The following IL1RAPL2 variants were observed in gnomAD, a reference collection of about 807,000 sequenced individuals.
The protein encoded by IL1RAPL2 is X-linked interleukin-1 receptor accessory protein-like 2.
A neutral mutation model predicts 44.1 loss-of-function variants in IL1RAPL2; 3 were observed. That is an observed-to-expected ratio of 0.07 (90% confidence interval 0.03 to 0.18). IL1RAPL2 has a LOEUF of 0.18. Among genes scored for constraint, IL1RAPL2 ranks in the 10% least tolerant of loss-of-function variants. The pLI is 1.00. For synonymous variants in IL1RAPL2, 181 were observed against 178.8 expected (o/e 1.01, Z -0.10); for missense variants, 391 against 496.4 (o/e 0.79, Z 2.02).
chrX:104,700,669 C>T (rs750276918), intron 2 of IL1RAPL2, among the ~76,000 whole-genome samples: 35 of 111,565 alleles, frequency 3.1e-4, no homozygotes, highest in African/African-American at 1.0e-3. Context: ...TTAAGAATTA[C>T]GCTTGTTTGT....
intron 5 of IL1RAPL2, among the ~76,000 whole-genome samples, chrX:105,291,260 A>C (rs747633553): frequency 3.6e-5 from 4 of 112,004 alleles, no homozygotes; most frequent in Non-Finnish European, 7.5e-5. Context: ...AGTCTTTTGT[A>C]CTGTCTTTAA....
At chrX:105,016,504 T>C (rs752146282) in intron 2 of IL1RAPL2, among the ~76,000 whole-genome samples, 1 of 111,580 alleles carries the variant, frequency 9.0e-6, no homozygotes, top group East Asian at 2.9e-4. Context: ...ACCTAGTATA[T>C]TGAGAATTTT....
At chrX:104,656,794 T>C (rs1930274548) in intron 1 of IL1RAPL2, among the ~76,000 whole-genome samples, 1 of 111,692 alleles carries the variant, frequency 9.0e-6, no homozygotes, top group Admixed American at 9.5e-5. Context: ...CTCCCATTAT[T>C]ATTGCATGGC....
intron 2 of IL1RAPL2, among the ~76,000 whole-genome samples, chrX:104,972,561 A>T (rs1602861922): frequency 8.9e-6 from 1 of 111,804 alleles, no homozygotes; most frequent in Non-Finnish European, 1.9e-5. Context: ...TATCTTGGGG[A>T]TGTTGATAAA....
chrX:104,878,532 A>T (rs186138695), intron 2 of IL1RAPL2, among the ~76,000 whole-genome samples: 57 of 112,130 alleles, frequency 5.1e-4, no homozygotes, highest in Admixed American at 2.2e-3. Context: ...ATTTCCACAA[A>T]GGTAGATATC....
chrX:105,624,661 A>G (rs1303608861), intron 6 of IL1RAPL2, among the ~76,000 whole-genome samples: 2 of 111,351 alleles, frequency 1.8e-5, no homozygotes, highest in African/African-American at 3.3e-5. Flanking sequence ...AGGGTTGGTA[A>G]TTATTATAGC....
intron 6 of IL1RAPL2, among the ~76,000 whole-genome samples, chrX:105,706,840 A>G (rs755678311): frequency 9.0e-6 from 1 of 111,627 alleles, no homozygotes; most frequent in South Asian, 3.8e-4. Context: ...GCTAACTGCA[A>G]TAATTAGCTT....
At chrX:105,009,995 C>T (rs1013100472) in intron 2 of IL1RAPL2, among the ~76,000 whole-genome samples, 1 of 110,786 alleles carries the variant, frequency 9.0e-6, no homozygotes, top group Non-Finnish European at 1.9e-5. Flanking sequence ...TTAAAATTTA[C>T]TGTATAATAT....
At chrX:105,205,994 T>C (rs957739553) in intron 3 of IL1RAPL2, among the ~76,000 whole-genome samples, 1 of 110,265 alleles carries the variant, frequency 9.1e-6, no homozygotes, top group Admixed American at 9.7e-5. Context: ...ATCCCAGATA[T>C]ATATTGAAGG....
chrX:105,453,862 T>C (rs1458762225), intron 5 of IL1RAPL2, among the ~76,000 whole-genome samples: 3 of 111,826 alleles, frequency 2.7e-5, no homozygotes, highest in Non-Finnish European at 5.6e-5. Flanking sequence ...TTAGATATTG[T>C]AAAAATATAA....
intron 2 of IL1RAPL2, among the ~76,000 whole-genome samples, chrX:104,916,518 G>A (rs1924439688): frequency 9.0e-6 from 1 of 111,279 alleles, no homozygotes; most frequent in Admixed American, 9.5e-5. Context: ...CTGCAAACAG[G>A]GACAATTTGA....
chrX:105,753,770 G>A (rs2038614802), intron 9 of IL1RAPL2, among the ~76,000 whole-genome samples: 1 of 112,047 alleles, frequency 8.9e-6, no homozygotes, highest in Non-Finnish European at 1.9e-5. Context: ...GCCTTTTGCA[G>A]CCAGAAAAGA....
At chrX:104,616,965 A>G (rs890939371) in intron 1 of IL1RAPL2, among the ~76,000 whole-genome samples, 4 of 111,714 alleles carry the variant, frequency 3.6e-5, no homozygotes, top group Non-Finnish European at 7.5e-5. Context: ...ATTAGATACA[A>G]TTTGTCAAAT....
At chrX:105,219,095 G>C (rs2033904733) in intron 3 of IL1RAPL2, 2 of 1,209,187 alleles carry the variant, frequency 1.7e-6, no homozygotes, top group Non-Finnish European at 2.2e-6. Flanking sequence ...CTTTGCTGAT[G>C]AGGTTCGGAG....
chrX:105,442,721 G>T (rs142098661), intron 5 of IL1RAPL2, among the ~76,000 whole-genome samples: 3,578 of 112,183 alleles, frequency 0.032, 154 homozygotes, highest in African/African-American at 0.11. Context: ...GAAGCTCTGT[G>T]CCCAAACTGT....
In IL1RAPL2 at chrX:105,011,052, C is replaced by T. The variant is rs150169612; in HGVS notation, c.83-184423C>T. ...GTAAAATTTACTTGGAACTTATGGC[C>T]TTTGGTTAAGAGAGTGGACTTGACT... On this transcript the variant is annotated intron_variant, in intron 2 of 10. Coordinates refer to ENST00000372582, the MANE Select transcript of IL1RAPL2 (RefSeq NM_017416.2). Among the ~76,000 whole-genome samples, 33 of 110,330 alleles carry T rather than the reference C, an allele frequency of 3.0e-4. 1 individual carries two copies. The East Asian group carries it at 8.1e-3, about 27-fold the overall frequency.
At chrX:105,525,708 C>G (rs1314963710) in intron 6 of IL1RAPL2, among the ~76,000 whole-genome samples, 1 of 111,393 alleles carries the variant, frequency 9.0e-6, no homozygotes, top group Non-Finnish European at 1.9e-5. Flanking sequence ...CAGTTAATTA[C>G]TTGATGCAGT....
At chrX:105,360,925 G>A (rs2035242981) in intron 5 of IL1RAPL2, among the ~76,000 whole-genome samples, 2 of 111,704 alleles carry the variant, frequency 1.8e-5, no homozygotes, top group African/African-American at 6.5e-5. Flanking sequence ...AACTCATCAG[G>A]ATGAAATAAA....
intron 2 of IL1RAPL2, among the ~76,000 whole-genome samples, chrX:104,952,879 G>T (rs1925623055): frequency 8.9e-6 from 1 of 112,106 alleles, no homozygotes; most frequent in Non-Finnish European, 1.9e-5. Context: ...GTCTCCCAAG[G>T]CTTAGCAGTG....
Sources: gnomAD v4.1 joint callset for allele counts (sites outside exome capture counted in the v4.1 genomes callset) on GRCh38, gnomAD v4.1.1 for gene constraint, MANE v1.5 for transcripts, NCBI Gene and HGNC (gene_info 2026-07-23, HGNC 2026-07-21) for gene names.